EFR3B: variants seen among roughly 807,000 people sequenced by gnomAD.
EFR3B encodes protein EFR3 homolog B.
A neutral mutation model predicts 104.7 loss-of-function variants in EFR3B; 64 were observed. The observed-to-expected ratio is 0.61, with a 90% confidence interval of 0.50 to 0.75. The LOEUF is 0.75. Ranked by LOEUF, EFR3B falls within the 30% of genes least tolerant of loss-of-function variation. The probability of loss-of-function intolerance (pLI) is 0.00; values close to 1 mark genes in which losing one functional copy is unlikely to be tolerated. For missense variants in EFR3B, 750 were observed against 1,078.5 expected (o/e 0.70, Z 4.27); for synonymous variants, 385 against 417.9 (o/e 0.92, Z 0.96).
chr2:25,131,846 T>C lies in EFR3B; in HGVS notation c.1082T>C (p.Leu361Pro). ...GGGAGCTACGACGGGGCGGTCAGCC[T>C]CGGCACCAAGATCATCAAGGAGCAC... ...LTGSYDGAVS[L>P]GTKIIKEHEE... The change falls in exon 10 of 23, where the codon CTC becomes CCC. Residue 361 changes from leucine to proline, a missense_variant. Transcript: ENST00000403714. The surrounding 1 kb of genome is among the most constrained non-coding windows in gnomAD (Gnocchi z 7.6). 6.5e-7 allele frequency: 1 copy of C among 1,549,216 alleles called. No homozygotes were observed. The highest frequency in any genetic ancestry group is 8.7e-7 in the Non-Finnish European group (1 of 1,146,352).
At chr2:25,053,247 G>T (rs1018367287) in intron 1 of EFR3B, among the ~76,000 whole-genome samples, 1 of 152,190 alleles carries the variant, frequency 6.6e-6, no homozygotes, top group African/African-American at 2.4e-5. Context: ...CTCACTCTTG[G>T]CACCTTTCCC....
chr2:25,123,065 A>T (rs1670065109), intron 5 of EFR3B, among the ~76,000 whole-genome samples: 1 of 152,286 alleles, frequency 6.6e-6, no homozygotes, highest in African/African-American at 2.4e-5. Context: ...CTCTCAAATA[A>T]AATCACAGAG....
chr2:25,120,097 A>G (rs1202681182), intron 4 of EFR3B, among the ~76,000 whole-genome samples: 2 of 152,134 alleles, frequency 1.3e-5, no homozygotes, highest in African/African-American at 4.8e-5. Context: ...GCTGATGCCT[A>G]TAATCCCAGC....
In EFR3B at chr2:25,074,939, C is replaced by G. The variant is rs181830053; in HGVS notation, c.8-16386C>G. Among the ~76,000 whole-genome samples the G allele has an allele frequency of 1.4e-4, 21 of 152,206 alleles. No individual in the cohort carries two copies. The East Asian group carries it at 3.9e-3, about 28-fold the overall frequency. On this transcript the variant is annotated intron_variant, in intron 1 of 22. Coordinates refer to ENST00000403714, the MANE Select transcript of EFR3B (RefSeq NM_014971.2). ...GCCTATCTGCCAACTTTTTAAAAAA[C>G]TTTTTATTTTGAAATATGGATTCAT...
chr2:25,082,481 G>A (rs1263324790), intron 1 of EFR3B, among the ~76,000 whole-genome samples: 1 of 152,210 alleles, frequency 6.6e-6, no homozygotes, highest in Admixed American at 6.5e-5. Flanking sequence ...TCAGGAACAG[G>A]AGCCAACTGT....
In EFR3B at chr2:25,115,551, T is replaced by C. The variant is rs1255977623; in HGVS notation, c.364-6122T>C. ...AGCTGGAAAATGATGCGTCAATAGG[T>C]GTCTCCATCTTAATCCCTGGAACCT... On this transcript the variant is annotated intron_variant, in intron 4 of 22. Transcript: ENST00000403714. Among the ~76,000 whole-genome samples the C allele has an allele frequency of 2.6e-5, 4 of 152,214 alleles. No homozygotes were observed. The East Asian group carries it at 7.7e-4, about 29-fold the overall frequency.
At chr2:25,103,532 C>A in intron 3 of EFR3B, 105 bp from the exon 4 acceptor site, 2 of 1,431,972 alleles carry the variant, frequency 1.4e-6, no homozygotes, top group South Asian at 2.9e-5. Flanking sequence ...CCTCATTACC[C>A]GGATGCTGCA....
intron 3 of EFR3B, among the ~76,000 whole-genome samples, chr2:25,095,651 A>G (rs533695142): frequency 5.5e-4 from 83 of 152,096 alleles, no homozygotes; most frequent in African/African-American, 2.0e-3. Context: ...AGCTGAGATC[A>G]CGCCACTGCA....
At position 25,129,111 on chromosome 2, in the gene EFR3B, G is replaced by T. The variant is rs557224986; in HGVS notation, c.635+779G>T. On this transcript the variant is annotated intron_variant, in intron 6 of 22. Transcript: ENST00000403714. ...GAAAACGTGCATGCTTGACCAGCCC[G>T]CAGCCACTCAGTAAGAGCTTGCAGA... Among the ~76,000 whole-genome samples the T allele has an allele frequency of 3.3e-5, 5 of 150,092 alleles. No homozygotes were observed. The South Asian group carries it at 8.7e-4, about 26-fold the overall frequency.
chr2:25,125,317 G>T (rs1217257043), intron 5 of EFR3B, among the ~76,000 whole-genome samples: 1 of 152,234 alleles, frequency 6.6e-6, no homozygotes, highest in African/African-American at 2.4e-5. Context: ...TTTCCTGCCA[G>T]CCAGGCCCAC....
At chr2:25,080,399 A>T in intron 1 of EFR3B, 1 of 520,474 alleles carries the variant, frequency 1.9e-6, no homozygotes. Flanking sequence ...TGTTCGAGCG[A>T]TTCTGCTGCC....
chr2:25,043,672 G>A (rs879910638), intron 1 of EFR3B, among the ~76,000 whole-genome samples: 10 of 152,334 alleles, frequency 6.6e-5, no homozygotes, highest in Admixed American at 2.6e-4. Context: ...GCTGACCACT[G>A]GGGACTCTGG....
intron 1 of EFR3B, among the ~76,000 whole-genome samples, chr2:25,047,938 A>G (rs573148545): frequency 6.6e-6 from 1 of 152,392 alleles, no homozygotes; most frequent in Non-Finnish European, 1.5e-5. Context: ...TAGAAAATCT[A>G]GAAAATACAG....
Position 25,130,064 on chromosome 2 carries a change from G to C in EFR3B, c.725G>C (p.Arg242Pro). Residue 242 changes from arginine to proline, a missense_variant, in exon 7 of 23, where the codon CGG becomes CCG. Coordinates refer to ENST00000403714, the MANE Select transcript of EFR3B (RefSeq NM_014971.2). The surrounding 1 kb of genome is among the most constrained non-coding windows in gnomAD (Gnocchi z 4.6). ...AGGTGTCTTCGGGAGCTGCTGGGCC[G>C]GGCTGCCTTTGGCAACATCAAAAAC... is the stretch of plus-strand genomic sequence containing the variant. ...AERCLRELLGRAAFGNIKNAI... is the reference protein window; with the variant it reads ...AERCLRELLGPAAFGNIKNAI... 1 of 1,551,718 alleles carries C rather than the reference G, an allele frequency of 6.4e-7. No homozygotes were observed. Among genetic ancestry groups the C allele is most frequent in the Non-Finnish European group, 8.7e-7 (1 of 1,146,992 alleles).
rs1671094812 is a variant in EFR3B, at chr2:25,154,063, T to C, written c.2349-172T>C. Among the ~76,000 whole-genome samples, 1 of 152,192 alleles carries C rather than the reference T, an allele frequency of 6.6e-6. No homozygotes were observed. Among genetic ancestry groups the C allele is most frequent in the Non-Finnish European group, 1.5e-5 (1 of 68,028 alleles). On this transcript the variant is annotated intron_variant, in intron 22 of 22. Coordinates refer to ENST00000403714, the MANE Select transcript of EFR3B (RefSeq NM_014971.2). This position sits in a 1 kb window ranked among gnomAD's most constrained non-coding sequence, Gnocchi z 4.1. ...TGCGGAGCCTGCAGGGAAGCTTGACTCCAAGCTGTAGATTCTAGTAGAACG... is the reference window on the plus strand; with the variant it reads ...TGCGGAGCCTGCAGGGAAGCTTGACCCCAAGCTGTAGATTCTAGTAGAACG...
intron 3 of EFR3B, among the ~76,000 whole-genome samples, chr2:25,093,550 G>A (rs977431793): frequency 2.0e-5 from 3 of 152,100 alleles, no homozygotes; most frequent in African/African-American, 7.2e-5. Flanking sequence ...GAAAACTGGG[G>A]ACTGGGGCTA....
At chr2:25,151,789 C>T in intron 20 of EFR3B, 125 bp from the exon 21 acceptor site, 3 of 1,070,896 alleles carry the variant, frequency 2.8e-6, no homozygotes, top group Non-Finnish European at 4.0e-6. Flanking sequence ...CTCCACGCCA[C>T]TGTCCCCTAC....
At chr2:25,050,065 G>T (rs1254628940) in intron 1 of EFR3B, among the ~76,000 whole-genome samples, 3 of 151,998 alleles carry the variant, frequency 2.0e-5, no homozygotes, top group Non-Finnish European at 4.4e-5. Flanking sequence ...TGGAGGTGGA[G>T]GTTGCTGTGA....
At position 25,112,627 on chromosome 2, in the gene EFR3B, A is replaced by G. The variant is rs554228115; in HGVS notation, c.363+8840A>G. On this transcript the variant is annotated intron_variant, in intron 4 of 22. Coordinates refer to ENST00000403714, the MANE Select transcript of EFR3B (RefSeq NM_014971.2). The stretch of plus-strand genomic sequence containing the variant: ...TGGGGAGAAAGGGACAGGCAATGGT[A>G]AACTCAAAACCATATGGTTGGCAAG... Among the ~76,000 whole-genome samples the G allele has an allele frequency of 2.0e-5, 3 of 152,326 alleles. No homozygotes were observed. The South Asian group carries it at 6.2e-4, about 32-fold the overall frequency.
Sources: allele counts gnomAD v4.1 joint callset (sites outside exome capture counted in the v4.1 genomes callset), GRCh38; gene constraint gnomAD v4.1.1; non-coding constraint Gnocchi (gnomAD v3.1); transcripts MANE v1.5; gene names NCBI Gene and HGNC (gene_info 2026-07-23, HGNC 2026-07-21).